The following XKR4 variants were observed in gnomAD, a reference collection of about 807,000 sequenced individuals.
The protein encoded by XKR4 is XK-related protein 4.
Under a neutral mutation model 53.9 loss-of-function variants are expected in XKR4, and 12 were observed. The observed-to-expected ratio is 0.22, with a 90% CI of 0.14 to 0.36. XKR4 has a LOEUF of 0.36. Ranked by LOEUF, XKR4 falls within the 10% of genes least tolerant of loss-of-function variation. The pLI, the probability that XKR4 is intolerant of heterozygous loss-of-function variation, is 1.00. For missense variants in XKR4, 799 were observed against 859.5 expected (o/e 0.93, Z 0.88); for synonymous variants, 354 against 362.4 (o/e 0.98, Z 0.26).
chr8:55,459,733 C>T (rs1473987460), intron 2 of XKR4, among the ~76,000 whole-genome samples: 2 of 152,042 alleles, frequency 1.3e-5, no homozygotes, highest in Non-Finnish European at 2.9e-5. Context: ...AAAGCGCACA[C>T]CCACTATAAT....
chr8:55,504,237 G>A (rs1440171443), intron 2 of XKR4, among the ~76,000 whole-genome samples: 1 of 146,868 alleles, frequency 6.8e-6, no homozygotes, highest in East Asian at 2.0e-4. Context: ...GTTTGAGACA[G>A]AGTCTCACTC....
At position 55,400,905 on chromosome 8, in the gene XKR4, G is replaced by A. The variant is rs76550976; in HGVS notation, c.1006+43028G>A. Among the ~76,000 whole-genome samples, 598 of 152,310 alleles carry A rather than the reference G, an allele frequency of 3.9e-3. 2 individuals carry two copies. Among genetic ancestry groups the A allele is most frequent in the South Asian group, 0.024 (115 of 4,828 alleles). Reference sequence around the variant, plus strand: ...CTGAAGGCCTTAGTATCATGAATGTGCTCAGAGAATTTGAGTTCACATCTT... The same window carrying A: ...CTGAAGGCCTTAGTATCATGAATGTACTCAGAGAATTTGAGTTCACATCTT... On this transcript the variant is annotated intron_variant, in intron 2 of 2. Coordinates refer to ENST00000327381, the MANE Select transcript of XKR4 (RefSeq NM_052898.2).
intron 1 of XKR4, among the ~76,000 whole-genome samples, chr8:55,345,413 G>A (rs1282341156): frequency 6.6e-6 from 1 of 152,120 alleles, no homozygotes; most frequent in East Asian, 1.9e-4. Context: ...AATGCCATAC[G>A]CCATGATGTG....
At chr8:55,442,558 A>C (rs1805286707) in intron 2 of XKR4, among the ~76,000 whole-genome samples, 1 of 152,214 alleles carries the variant, frequency 6.6e-6, no homozygotes, top group Admixed American at 6.5e-5. Flanking sequence ...CATAACAGCC[A>C]AAAATAGAAA....
At chr8:55,172,613 G>T (rs1018909262) in intron 1 of XKR4, among the ~76,000 whole-genome samples, 1 of 152,150 alleles carries the variant, frequency 6.6e-6, no homozygotes, top group African/African-American at 2.4e-5. Flanking sequence ...CTAAGTATAA[G>T]GTGGATAGCC....
chr8:55,430,172 T>A (rs1479850998), intron 2 of XKR4, among the ~76,000 whole-genome samples: 1 of 152,118 alleles, frequency 6.6e-6, no homozygotes, highest in Admixed American at 6.5e-5. Flanking sequence ...GAAAATGAAT[T>A]CCGCACCACC....
chr8:55,470,083 T>C (rs1301228815), intron 2 of XKR4, among the ~76,000 whole-genome samples: 1 of 152,030 alleles, frequency 6.6e-6, no homozygotes, highest in Non-Finnish European at 1.5e-5. Flanking sequence ...TGGGGGAAAG[T>C]AAAGGTTTTC....
At chr8:55,347,185 C>T (rs1025993753) in intron 1 of XKR4, among the ~76,000 whole-genome samples, 15 of 152,202 alleles carry the variant, frequency 9.9e-5, no homozygotes, top group African/African-American at 3.4e-4. Flanking sequence ...AAGCTTGTCA[C>T]TTAGGCCATA....
At chr8:55,398,403 T>C (rs566156091) in intron 2 of XKR4, among the ~76,000 whole-genome samples, 1 of 152,182 alleles carries the variant, frequency 6.6e-6, no homozygotes, top group South Asian at 2.1e-4. Flanking sequence ...TCTGCAGATA[T>C]CATTTTATAT....
intron 1 of XKR4, among the ~76,000 whole-genome samples, chr8:55,208,817 C>T (rs1044287183): frequency 2.6e-5 from 4 of 152,110 alleles, no homozygotes; most frequent in Non-Finnish European, 4.4e-5. Context: ...TGTGGACCCC[C>T]GCAGTTTGTC....
At chr8:55,180,885 T>C (rs1817302040) in intron 1 of XKR4, among the ~76,000 whole-genome samples, 1 of 152,192 alleles carries the variant, frequency 6.6e-6, no homozygotes, top group African/African-American at 2.4e-5. Context: ...CTTTCTTGTC[T>C]AACAAAAGAG....
chr8:55,476,368 T>A (rs959052608), intron 2 of XKR4, among the ~76,000 whole-genome samples: 1 of 152,056 alleles, frequency 6.6e-6, no homozygotes, highest in Non-Finnish European at 1.5e-5. Flanking sequence ...AAAATGCCAC[T>A]CAGGCAGGAA....
At chr8:55,403,162 TTAAAC>T (rs1446493152) in intron 2 of XKR4, among the ~76,000 whole-genome samples, 1 of 152,216 alleles carries the variant, frequency 6.6e-6, no homozygotes, top group Non-Finnish European at 1.5e-5. Context: ...TTATCAGTAA[TTAAAC>T]TAAATTTTGT....
Position 55,524,010 on chromosome 8 carries a change from C to A in XKR4, c.1736C>A (p.Ala579Asp). The part of the protein sequence containing the change: ...CVPVFQVRPT[A>D]PSTPSSRPPR... ...CCTGTCTTTCAAGTGAGGCCCACTGCCCCATCCACCCCATCATCTCGCCCA... is the reference window on the plus strand; with the variant it reads ...CCTGTCTTTCAAGTGAGGCCCACTGACCCATCCACCCCATCATCTCGCCCA... The change falls in exon 3 of 3, where the codon GCC becomes GAC. Residue 579 changes from alanine to aspartate, a missense_variant. Physicochemically the swap from Ala to Asp is moderately radical, Grantham distance 126 (BLOSUM62 -2). Coordinates refer to ENST00000327381, the MANE Select transcript of XKR4 (RefSeq NM_052898.2). The A allele has an allele frequency of 1.2e-6, 2 of 1,614,160 alleles. No individual in the cohort carries two copies. The highest frequency in any genetic ancestry group is 1.7e-6 in the Non-Finnish European group (2 of 1,180,034).
In XKR4 at chr8:55,453,923, A is replaced by G. The variant is rs764816020; in HGVS notation, c.1007-69358A>G. Reference sequence around the variant, plus strand: ...AAAGAGAGCAAAGGCCATGCCCTCCAGCACATTCATCAGGAAATCGTCCTC... The same window carrying G: ...AAAGAGAGCAAAGGCCATGCCCTCCGGCACATTCATCAGGAAATCGTCCTC... On this transcript the variant is annotated intron_variant, in intron 2 of 2. Coordinates refer to ENST00000327381, the MANE Select transcript of XKR4 (RefSeq NM_052898.2). 751 of 642,808 alleles carry G rather than the reference A, an allele frequency of 1.2e-3. 10 individuals are homozygous for G. Among genetic ancestry groups the G allele is most frequent in the Middle Eastern group, 1.1e-3 (4 of 3,776 alleles). The allele number at this position is 642,808 out of a possible 1,614,324, so 39.8% of individuals were successfully genotyped here.
rs59737150 is a variant in XKR4 at position 55,376,954 on chromosome 8, T to TCACACACACACA, written c.1006+19088_1006+19099dup. Among the ~76,000 whole-genome samples, 47 of 145,520 alleles carry TCACACACACACA rather than the reference T, an allele frequency of 3.2e-4. 1 individual carries two copies. Among genetic ancestry groups the TCACACACACACA allele is most frequent in the African/African-American group, 1.1e-3 (41 of 38,870 alleles). On this transcript the variant is annotated intron_variant, in intron 2 of 2. Transcript: ENST00000327381. ...TCCATACACACACACAAACACACAC[T>TCACACACACACA]CACACACACACACACACACACAGAG...
chr8:55,521,344 C>G (rs1051206231), intron 2 of XKR4, among the ~76,000 whole-genome samples: 3 of 152,226 alleles, frequency 2.0e-5, no homozygotes, highest in African/African-American at 7.2e-5. Flanking sequence ...ATCCCATTAC[C>G]TTTTATTTCG....
rs1806906371 is a variant in XKR4, at chr8:55,528,464, CA to C, written c.*4238del. 1 of 152,186 alleles carries C rather than the reference CA, an allele frequency of 6.6e-6. No homozygotes were observed. Among genetic ancestry groups the C allele is most frequent in the South Asian group, 2.1e-4 (1 of 4,830 alleles). The allele number at this position is 152,186 out of a possible 1,614,324, so 9.4% of individuals were successfully genotyped here. A position where few individuals can be genotyped will look rare whatever the true frequency, so the allele number is the denominator to read the frequency against. On this transcript the variant is annotated 3_prime_UTR_variant, in exon 3 of 3. Coordinates refer to ENST00000327381, the MANE Select transcript of XKR4 (RefSeq NM_052898.2). ...CTGACACAATGTTTAGACAAGAATC[CA>C]GAGATTTTTTCTAATGAACCATTTT...
rs561185376 is a variant in XKR4, at chr8:55,126,675, G to T, written c.806+23381G>T. Among the ~76,000 whole-genome samples the T allele has an allele frequency of 5.1e-4, 77 of 152,294 alleles. No individual in the cohort carries two copies. The South Asian group carries it at 0.015, about 29-fold the overall frequency. On this transcript the variant is annotated intron_variant, in intron 1 of 2. Transcript: ENST00000327381. ...AGTTCCCATCAGACTTTCAGTTCTA[G>T]CTACTTCACTGCTGAAAAATACAGT...
Sources: allele counts gnomAD v4.1 joint callset (sites outside exome capture counted in the v4.1 genomes callset), GRCh38; gene constraint gnomAD v4.1.1; transcripts MANE v1.5; gene names NCBI Gene and HGNC (gene_info 2026-07-23, HGNC 2026-07-21).